PEX5L: variants seen among roughly 807,000 people sequenced by gnomAD.
PEX5L encodes the protein PEX5-related protein.
In PEX5L, 30 loss-of-function variants were observed where a neutral mutation model predicts 84.0. That is an observed-to-expected ratio of 0.36 (90% CI 0.27 to 0.48). The LOEUF is 0.48. PEX5L is among the 20% of genes least tolerant of loss of function. The pLI is 0.99. For missense variants in PEX5L, 533 were observed against 754.6 expected (o/e 0.71, Z 3.44); for synonymous variants, 270 against 283.1 (o/e 0.95, Z 0.46).
intron 1 of PEX5L, among the ~76,000 whole-genome samples, chr3:179,971,956 T>G (rs1034386932): frequency 2.6e-5 from 4 of 152,184 alleles, no homozygotes; most frequent in Admixed American, 1.3e-4. Context: ...GAAAAGATTC[T>G]TTAACACTTT....
intron 8 of PEX5L, among the ~76,000 whole-genome samples, chr3:179,828,943 C>G (rs1411355943): frequency 6.6e-6 from 1 of 152,042 alleles, no homozygotes; most frequent in Non-Finnish European, 1.5e-5. Context: ...TGTTATTATT[C>G]TAGAAAGGGA....
chr3:180,018,835 TC>T (rs1363404426), intron 1 of PEX5L, among the ~76,000 whole-genome samples: 1 of 152,216 alleles, frequency 6.6e-6, no homozygotes, highest in Non-Finnish European at 1.5e-5. Context: ...GAGATGGCTC[TC>T]TAAGGTTGCT....
intron 1 of PEX5L, among the ~76,000 whole-genome samples, chr3:180,030,705 TCTC>T (rs1486916246): frequency 1.3e-5 from 2 of 152,318 alleles, no homozygotes; most frequent in African/African-American, 4.8e-5. Context: ...ACACCGTTCT[TCTC>T]CTGGAATTTC....
intron 1 of PEX5L, among the ~76,000 whole-genome samples, chr3:180,018,877 TTTG>T (rs200731999): frequency 6.6e-6 from 1 of 151,870 alleles, no homozygotes; most frequent in Non-Finnish European, 1.5e-5. Context: ...TTGTCTGTTT[TTTG>T]TTGTTGTTGT....
intron 11 of PEX5L, 47 bp from the exon 12 acceptor site, chr3:179,809,715 A>T: frequency 7.1e-7 from 1 of 1,410,228 alleles, no homozygotes; most frequent in East Asian, 2.3e-5. Flanking sequence ...TTGAGCCACA[A>T]TCTAACAGTT....
At chr3:179,974,079 A>T in intron 1 of PEX5L, 1 of 985,662 alleles carries the variant, frequency 1.0e-6, no homozygotes, top group Non-Finnish European at 1.2e-6. Flanking sequence ...TGCTTAGCTC[A>T]GCCAGCCCAG....
At chr3:179,927,988 A>C (rs1771938601) in intron 2 of PEX5L, among the ~76,000 whole-genome samples, 1 of 152,340 alleles carries the variant, frequency 6.6e-6, no homozygotes, top group South Asian at 2.1e-4. Flanking sequence ...AATCTTTCCA[A>C]GTCACTCTGT....
At chr3:180,015,275 T>C (rs1008136274) in intron 1 of PEX5L, among the ~76,000 whole-genome samples, 3 of 152,214 alleles carry the variant, frequency 2.0e-5, no homozygotes, top group African/African-American at 7.2e-5. Context: ...TTTTAAATAA[T>C]ATTGTATACA....
At chr3:180,006,347 A>G (rs1231190836) in intron 1 of PEX5L, among the ~76,000 whole-genome samples, 2 of 149,522 alleles carry the variant, frequency 1.3e-5, no homozygotes, top group Non-Finnish European at 3.0e-5. Context: ...TGAAAAAAAA[A>G]GTTTTAAAAG....
chr3:179,987,742 C>T (rs1326143131), intron 1 of PEX5L, among the ~76,000 whole-genome samples: 1 of 152,212 alleles, frequency 6.6e-6, no homozygotes, highest in East Asian at 1.9e-4. Context: ...TGAACCTTCA[C>T]TGCCAACCAT....
chr3:179,898,001 TA>T, intron 3 of PEX5L, 140 bp downstream of exon 3: 1 of 484,764 alleles, frequency 2.1e-6, no homozygotes, highest in Non-Finnish European at 3.6e-6. Flanking sequence ...TTTTCATCTA[TA>T]TTTGTATAAT....
chr3:179,961,901 C>A (rs767627867), intron 2 of PEX5L, among the ~76,000 whole-genome samples: 2 of 140,722 alleles, frequency 1.4e-5, no homozygotes, highest in Non-Finnish European at 3.1e-5. Flanking sequence ...ATCACCATGG[C>A]CAGTTGAGGG....
intron 2 of PEX5L, among the ~76,000 whole-genome samples, chr3:179,913,406 A>T (rs934722607): frequency 1.2e-4 from 18 of 152,282 alleles, no homozygotes; most frequent in Non-Finnish European, 2.5e-4. Context: ...TTCTTTAAAG[A>T]TCTTATTGCA....
intron 8 of PEX5L, among the ~76,000 whole-genome samples, chr3:179,855,931 TATAGCAGCTCAAATGGA>T (rs1743768011): frequency 6.6e-6 from 1 of 152,230 alleles, no homozygotes; most frequent in South Asian, 2.1e-4. Context: ...GTTATTTTGT[TATAGCAGCTCAAATGGA>T]CTAAGACAAA....
intron 2 of PEX5L, among the ~76,000 whole-genome samples, chr3:179,939,554 G>A (rs1775490761): frequency 6.6e-6 from 1 of 152,184 alleles, no homozygotes; most frequent in African/African-American, 2.4e-5. Context: ...TAGGGGTAAT[G>A]TATGTGTTAA....
Position 180,036,749 on chromosome 3 carries a change from C to A in PEX5L, c.-150G>T. The stretch of plus-strand genomic sequence containing the variant: ...CTGGAGCTCCGGGTACTCGGCCGGC[C>A]GGCGGCCACTCGGCAGCGCTGCGGG... On this transcript the variant is annotated 5_prime_UTR_variant, in exon 1 of 15. Transcript: ENST00000467460. The A allele has an allele frequency of 1.3e-6, 1 of 779,648 alleles. No individual in the cohort carries two copies. The highest frequency in any genetic ancestry group is 2.2e-6 in the Non-Finnish European group (1 of 446,678). 48.3% of individuals were successfully genotyped at this position (779,648 alleles called of 1,614,324 possible).
At chr3:179,999,500 G>T (rs150657484) in intron 1 of PEX5L, among the ~76,000 whole-genome samples, 301 of 152,324 alleles carry the variant, frequency 2.0e-3, no homozygotes, top group Admixed American at 7.3e-3. Context: ...TTTGCCAGCA[G>T]CAGAGGCCAA....
chr3:179,993,773 A>G (rs1851351), intron 1 of PEX5L, among the ~76,000 whole-genome samples: 55,460 of 151,928 alleles, frequency 0.37, 12,880 homozygotes, highest in African/African-American at 0.67. Flanking sequence ...AAAGTGCTGG[A>G]ATTACAGGCA....
chr3:179,916,916 C>T (rs763721864), intron 2 of PEX5L, among the ~76,000 whole-genome samples: 10 of 151,846 alleles, frequency 6.6e-5, no homozygotes, highest in South Asian at 2.1e-4. Flanking sequence ...GTGATCCACC[C>T]GCCTCGGCCT....
Sources: gnomAD v4.1 joint callset for allele counts (sites outside exome capture counted in the v4.1 genomes callset) on GRCh38, gnomAD v4.1.1 for gene constraint, MANE v1.5 for transcripts, NCBI Gene and HGNC (gene_info 2026-07-23, HGNC 2026-07-21) for gene names.